The following RIC3 variants were observed in gnomAD, a reference collection of about 807,000 sequenced individuals.
The protein encoded by RIC3 is protein RIC-3.
A neutral mutation model predicts 27.3 loss-of-function variants in RIC3; 28 were observed. That is an observed-to-expected ratio of 1.02 (90% confidence interval 0.76 to 1.41). The LOEUF is 1.41. RIC3 is among the 40% of genes most tolerant of loss of function. The pLI is 0.00. For synonymous variants in RIC3, 184 were observed against 160.4 expected (o/e 1.15, Z -1.11); for missense variants, 501 against 444.7 (o/e 1.13, Z -1.14).
chr11:8,153,513 A>T (rs1950418503), intron 1 of RIC3: 2 of 415,178 alleles, frequency 4.8e-6, no homozygotes, highest in Non-Finnish European at 9.5e-6. Context: ...TTCCTGCCTT[A>T]ATCTCTATGG....
intron 1 of RIC3, chr11:8,153,258 C>T (rs1950393099): frequency 3.1e-6 from 1 of 327,428 alleles, no homozygotes; most frequent in Non-Finnish European, 5.9e-6. Flanking sequence ...GAGCACTTAA[C>T]AATGTGACAG....
At chr11:8,139,775 T>C (rs1204736917) in intron 2 of RIC3, 192 bp downstream of exon 2, 60 of 580,164 alleles carry the variant, frequency 1.0e-4, no homozygotes, top group South Asian at 7.0e-4. Context: ...CACTTAAACA[T>C]TGAGTAAACA....
chr11:8,141,385 T>C (rs1176488738), intron 1 of RIC3, among the ~76,000 whole-genome samples: 1 of 152,116 alleles, frequency 6.6e-6, no homozygotes, highest in African/African-American at 2.4e-5. Flanking sequence ...CAGTCCTAGT[T>C]TCTGATAAAA....
intron 5 of RIC3, among the ~76,000 whole-genome samples, chr11:8,122,455 G>GTATATATATATATATATA (rs200115129): frequency 6.6e-6 from 1 of 151,704 alleles, no homozygotes; most frequent in African/African-American, 2.4e-5. Flanking sequence ...ACCACAGTGT[G>GTATATATATATATATATA]TATATATATA....
At chr11:8,162,935 C>A (rs187954352) in intron 1 of RIC3, among the ~76,000 whole-genome samples, 2 of 151,682 alleles carry the variant, frequency 1.3e-5, no homozygotes, top group Non-Finnish European at 2.9e-5. Flanking sequence ...CATGAGCCAC[C>A]GTGCCTGGCC....
chr11:8,095,271 G>T, the RIC3 span, among the ~76,000 whole-genome samples: 3 of 152,290 alleles, frequency 2.0e-5, no homozygotes, highest in African/African-American at 7.2e-5. Flanking sequence ...ACCAACCCTC[G>T]GCAATTAATT....
the RIC3 span, chr11:8,098,685 G>A: frequency 3.4e-6 from 4 of 1,171,424 alleles, no homozygotes; most frequent in Non-Finnish European, 5.1e-6. Context: ...CTCCTCATAG[G>A]ACAGACGATG....
chr11:8,115,545 C>T (rs1165425624), intron 5 of RIC3, among the ~76,000 whole-genome samples: 5 of 152,066 alleles, frequency 3.3e-5, no homozygotes, highest in Admixed American at 6.5e-5. Context: ...CGGTGGCTAA[C>T]GCCTGTAATC....
At position 8,118,139 on chromosome 11, in the gene RIC3, C is replaced by G. The variant is rs536433550; in HGVS notation, c.671-7002G>C. Among the ~76,000 whole-genome samples the G allele has an allele frequency of 2.7e-5, 4 of 149,612 alleles. No individual in the cohort carries two copies. In the East Asian group the frequency reaches 8.0e-4, roughly 30 times the overall value. Reference sequence around the variant, plus strand: ...TTGGGAGGCTGAGGCAGGAGAATGACGTGAACCTGGGAAGTGGAGCTTGTA... The same window carrying G: ...TTGGGAGGCTGAGGCAGGAGAATGAGGTGAACCTGGGAAGTGGAGCTTGTA... On this transcript the variant is annotated intron_variant, in intron 5 of 5. Coordinates refer to ENST00000309737, the MANE Select transcript of RIC3 (RefSeq NM_001206671.4).
intron 1 of RIC3, among the ~76,000 whole-genome samples, chr11:8,164,781 CAAAAAAAAA>C (rs199958835): frequency 4.7e-5 from 4 of 84,232 alleles, no homozygotes; most frequent in African/African-American, 3.8e-5. Flanking sequence ...CTGTCTCTCT[CAAAAAAAAA>C]AAAAAAAAAA....
chr11:8,096,775 C>T, the RIC3 span: 1 of 1,614,162 alleles, frequency 6.2e-7, no homozygotes, highest in South Asian at 1.1e-5. Context: ...AACACCCGCC[C>T]CAGCTCTGCT....
intron 5 of RIC3, among the ~76,000 whole-genome samples, chr11:8,120,992 G>A (rs1048661489): frequency 4.6e-5 from 7 of 152,040 alleles, no homozygotes; most frequent in Non-Finnish European, 8.8e-5. Context: ...AAATATAAAG[G>A]TATTCTTGAC....
chr11:8,098,991 A>T, the RIC3 span: 1 of 795,904 alleles, frequency 1.3e-6, no homozygotes. Flanking sequence ...CTGTGTGGAG[A>T]GGGGCTGTCC....
intron 1 of RIC3, among the ~76,000 whole-genome samples, chr11:8,149,555 C>T (rs1440456896): frequency 6.6e-6 from 1 of 152,180 alleles, no homozygotes; most frequent in East Asian, 1.9e-4. Flanking sequence ...TCTGGGAAAA[C>T]GTCAAAAAGG....
the RIC3 span, among the ~76,000 whole-genome samples, chr11:8,100,293 G>A: frequency 6.6e-6 from 1 of 152,200 alleles, no homozygotes; most frequent in Non-Finnish European, 1.5e-5. Flanking sequence ...GCCGTGAGCA[G>A]AAGCAAGGAT....
At position 8,106,487 on chromosome 11, in the gene RIC3, C is replaced by CTTAAG. The variant is rs1944673879; in HGVS notation, c.*4206_*4210dup. On this transcript the variant is annotated 3_prime_UTR_variant, in exon 6 of 6. Coordinates refer to ENST00000309737, the MANE Select transcript of RIC3 (RefSeq NM_001206671.4). ...GGAAAAATGGTGAAGTCAGAAGGTACTTAAGTTAGAGCAGTTCTCTTCAGG... is the reference window on the plus strand; with the variant it reads ...GGAAAAATGGTGAAGTCAGAAGGTACTTAAGTTAAGTTAGAGCAGTTCTCTTCAGG... 1 of 152,320 alleles carries CTTAAG rather than the reference C, an allele frequency of 6.6e-6. No individual in the cohort carries two copies. Among genetic ancestry groups the CTTAAG allele is most frequent in the African/African-American group, 2.4e-5 (1 of 41,546 alleles). 9.4% of individuals were successfully genotyped at this position (152,320 alleles called of 1,614,324 possible).
chr11:8,117,624 T>C (rs2133426364), intron 5 of RIC3, among the ~76,000 whole-genome samples: 1 of 152,276 alleles, frequency 6.6e-6, no homozygotes, highest in East Asian at 1.9e-4. Context: ...AGATCTATTA[T>C]ACATTATACA....
intron 4 of RIC3, among the ~76,000 whole-genome samples, chr11:8,133,728 T>C (rs542370334): frequency 6.6e-6 from 1 of 152,228 alleles, no homozygotes; most frequent in East Asian, 1.9e-4. Context: ...CCTTTGCACA[T>C]AAAAAAGGAG....
chr11:8,110,490 C>T lies in RIC3; in HGVS notation c.*208G>A. The T allele has an allele frequency of 1.6e-6, 1 of 639,240 alleles. No homozygotes were observed. Among genetic ancestry groups the T allele is most frequent in the Non-Finnish European group, 2.8e-6 (1 of 354,932 alleles). 39.6% of individuals were successfully genotyped at this position (639,240 alleles called of 1,614,324 possible). On this transcript the variant is annotated 3_prime_UTR_variant, in exon 6 of 6. Transcript: ENST00000309737. Reference sequence around the variant, plus strand: ...AAAGGCAGGAAGAGAAAGAGCGAAGCTGTCCTGTGTTCACACTAATGTCCG... The same window carrying T: ...AAAGGCAGGAAGAGAAAGAGCGAAGTTGTCCTGTGTTCACACTAATGTCCG...
Sources: allele counts gnomAD v4.1 joint callset (sites outside exome capture counted in the v4.1 genomes callset), GRCh38; gene constraint gnomAD v4.1.1; transcripts MANE v1.5; gene names NCBI Gene and HGNC (gene_info 2026-07-23, HGNC 2026-07-21).